The following SLC16A8 variants were observed in gnomAD, a reference collection of about 807,000 sequenced individuals.
The protein encoded by SLC16A8 is solute carrier family 16 member 8, also known as monocarboxylate transporter 3.
In SLC16A8, 20 loss-of-function variants were observed where a neutral mutation model predicts 22.4. That is an observed-to-expected ratio of 0.89 (90% CI 0.63 to 1.30). SLC16A8 has a LOEUF of 1.30. SLC16A8 is among the 50% of genes most tolerant of loss of function. The probability of loss-of-function intolerance (pLI) is 0.00; values close to 1 mark genes in which losing one functional copy is unlikely to be tolerated. For synonymous variants in SLC16A8, 393 were observed against 358.8 expected (o/e 1.10, Z -1.08); for missense variants, 817 against 740.3 (o/e 1.10, Z -1.20).
chr22:38,082,989 G>T, intron 2 of SLC16A8, 53 bp downstream of exon 2: 1 of 720,238 alleles, frequency 1.4e-6, no homozygotes. Context: ...CTACCCACGT[G>T]AGGGTGGCTC....
At chr22:38,082,951 C>G in intron 2 of SLC16A8, 70 bp from the exon 3 acceptor site, 3 of 1,018,494 alleles carry the variant, frequency 2.9e-6, no homozygotes, top group Non-Finnish European at 4.2e-6. Flanking sequence ...GGGATGGAGA[C>G]GAAGCATGGG....
rs780942753 is a variant in SLC16A8, at chr22:38,081,086, G to A, written c.952C>T (p.His318Tyr). 5.8e-6 allele frequency: 9 copies of A among 1,564,796 alleles called. No homozygotes were observed. Among genetic ancestry groups the A allele is most frequent in the Non-Finnish European group, 7.8e-6 (9 of 1,158,666 alleles). ...GCCAGGCTGAACAGATACGGGACGT[G>A]CGGCCGCAGACGCGCCAGGCCCGCC... Reference protein sequence around the residue: ...ALAGLARLRPHVPYLFSLALL... With the variant: ...ALAGLARLRPYVPYLFSLALL... The change falls in exon 5 of 6, where the codon CAC becomes TAC. Residue 318 changes from histidine to tyrosine, a missense_variant. By Grantham distance (83) the His-to-Tyr change is moderately conservative. Coordinates refer to ENST00000681075, the MANE Select transcript of SLC16A8 (RefSeq NM_013356.3).
At chr22:38,078,757 C>T in intron 5 of SLC16A8, 53 bp from the exon 6 acceptor site, 3 of 1,517,780 alleles carry the variant, frequency 2.0e-6, no homozygotes, top group Non-Finnish European at 2.7e-6. Context: ...GGGTCCTCCC[C>T]TCACTCTCCT....
rs758223086 is a variant in SLC16A8, at chr22:38,080,978, CGAAGGCGACGCA to C, written c.1048_1059del (p.Cys350_Phe353del). The C allele has an allele frequency of 3.3e-4, 520 of 1,597,766 alleles. 1 individual carries two copies. The highest frequency in any genetic ancestry group is 1.7e-3 in the Middle Eastern group (10 of 6,044). On this transcript the variant is annotated inframe_deletion, in exon 5 of 6. Coordinates refer to ENST00000681075, the MANE Select transcript of SLC16A8 (RefSeq NM_013356.3). Reference sequence around the variant, plus strand: ...GCGCCCACCATGCCGTAGGAGAGGCCGAAGGCGACGCAGAAGGCGACGAGGGCGCCGTAGGAG... The same window carrying C: ...GCGCCCACCATGCCGTAGGAGAGGCCGAAGGCGACGAGGGCGCCGTAGGAG...
At chr22:38,079,459 T>G (rs1430717477) in intron 5 of SLC16A8, among the ~76,000 whole-genome samples, 1 of 152,156 alleles carries the variant, frequency 6.6e-6, no homozygotes, top group East Asian at 1.9e-4. Context: ...CTCACTCCAT[T>G]GGCCCAGGCT....
chr22:38,083,065 G>C lies in SLC16A8; in HGVS notation c.-32C>G. On this transcript the variant is annotated 5_prime_UTR_variant, in exon 2 of 6. Coordinates refer to ENST00000681075, the MANE Select transcript of SLC16A8 (RefSeq NM_013356.3). ...ACCCCAAGTCTCCTTCTCCTGCAAAGGGCGCTGAAGGACGAGGGGAGGACG... is the reference window on the plus strand; with the variant it reads ...ACCCCAAGTCTCCTTCTCCTGCAAACGGCGCTGAAGGACGAGGGGAGGACG... 2 of 588,678 alleles carry C rather than the reference G, an allele frequency of 3.4e-6. No individual in the cohort carries two copies. Among genetic ancestry groups the C allele is most frequent in the East Asian group, 2.8e-5 (1 of 35,818 alleles). 36.5% of individuals were successfully genotyped at this position (588,678 alleles called of 1,614,324 possible). A position where few individuals can be genotyped will look rare whatever the true frequency, so the allele number is the denominator to read the frequency against.
chr22:38,081,782 A>T lies in SLC16A8; in HGVS notation c.359-103T>A, dbSNP rs537522041. 8 of 1,462,262 alleles carry T rather than the reference A, an allele frequency of 5.5e-6. No homozygotes were observed. In the African/African-American group the frequency reaches 5.7e-5, roughly 10 times the overall value. 90.6% of individuals were successfully genotyped at this position (1,462,262 alleles called of 1,614,324 possible). A position where few individuals can be genotyped will look rare whatever the true frequency, so the allele number is the denominator to read the frequency against. On this transcript the variant is annotated intron_variant, in intron 4 of 5. Coordinates refer to ENST00000681075, the MANE Select transcript of SLC16A8 (RefSeq NM_013356.3). ...GGGAACCCAGCAGATCCGGGAACCC[A>T]GCCGAGGGACTTCGAAGACTGTCCC...
intron 5 of SLC16A8, 115 bp downstream of exon 5, chr22:38,080,725 C>T (rs1187030627): frequency 2.9e-6 from 4 of 1,363,208 alleles, no homozygotes; most frequent in African/African-American, 3.0e-5. Context: ...GGGAGTCCAC[C>T]CACCCGACTG....
At chr22:38,080,740 T>C in intron 5 of SLC16A8, 100 bp downstream of exon 5, 1 of 1,412,304 alleles carries the variant, frequency 7.1e-7, no homozygotes, top group Non-Finnish European at 9.2e-7. Context: ...CGACTGCCCC[T>C]TCCCCTCATC....
chr22:38,082,704 G>A lies in SLC16A8; in HGVS notation c.170C>T (p.Thr57Met). Residue 57 changes from threonine to methionine, a missense_variant, in exon 3 of 6, where the codon ACG (threonine) becomes ATG (methionine). Physicochemically the swap from Thr to Met is moderately conservative, Grantham distance 81 (BLOSUM62 -1). Coordinates refer to ENST00000681075, the MANE Select transcript of SLC16A8 (RefSeq NM_013356.3). The part of the protein sequence containing the change: ...MRDFDAGYSD[T>M]AWVSSIMLAM... The stretch of plus-strand genomic sequence containing the variant: ...TAGCATGATGGAGGACACCCAGGCC[G>A]TGTCGCTGTAGCCGGCGTCGAAGTC... 6.3e-7 allele frequency: 1 copy of A among 1,590,396 alleles called. No homozygotes were observed. Among genetic ancestry groups the A allele is most frequent in the Non-Finnish European group, 8.5e-7 (1 of 1,170,256 alleles).
Position 38,079,040 on chromosome 22 carries a change from G to T in SLC16A8, c.1199-336C>A, listed in dbSNP as rs879432165. 2.6e-5 allele frequency among the ~76,000 whole-genome samples: 4 copies of T among 152,290 alleles called. No individual in the cohort carries two copies. The East Asian group carries it at 7.7e-4, about 29-fold the overall frequency. On this transcript the variant is annotated intron_variant, in intron 5 of 5. Coordinates refer to ENST00000681075, the MANE Select transcript of SLC16A8 (RefSeq NM_013356.3). ...TATCTGGGGTGGGAGCGGGGAGGGGGCCCTGGGCTTAGCTCTGCCCTCCTG... is the reference window on the plus strand; with the variant it reads ...TATCTGGGGTGGGAGCGGGGAGGGGTCCCTGGGCTTAGCTCTGCCCTCCTG...
chr22:38,082,862 G>A lies in SLC16A8; in HGVS notation c.12C>T (p.Gly4=), dbSNP rs913752636. The A allele has an allele frequency of 3.9e-6, 6 of 1,543,664 alleles. No homozygotes were observed. Among genetic ancestry groups the A allele is most frequent in the Non-Finnish European group, 3.5e-6 (4 of 1,148,700 alleles). Residue 4 remains glycine (G), a synonymous_variant, in exon 3 of 6, where the codon GGC becomes GGT. Coordinates refer to ENST00000681075, the MANE Select transcript of SLC16A8 (RefSeq NM_013356.3). ...GGGGGCCCTCGCCCCGCCGGGGGCC[G>A]CCAGCGCCCATCGCTGCCTCTGTTG... MGA[G]GPRRGEGPPD... is the part of the protein sequence containing the mutation.
At position 38,081,529 on chromosome 22, in the gene SLC16A8, C is replaced by G; in HGVS notation, c.509G>C (p.Arg170Pro). The G allele has an allele frequency of 6.9e-7, 1 of 1,439,990 alleles. No individual in the cohort carries two copies. Among genetic ancestry groups the G allele is most frequent in the Non-Finnish European group, 9.0e-7 (1 of 1,109,512 alleles). 89.2% of individuals were successfully genotyped at this position (1,439,990 alleles called of 1,614,324 possible). Residue 170 changes from arginine (R) to proline (P), a missense_variant, in exon 5 of 6, where the codon CGC becomes CCC. Coordinates refer to ENST00000681075, the MANE Select transcript of SLC16A8 (RefSeq NM_013356.3). ...CAGGAAGCCGCCGCGCCAGCCGAAG[C>G]GCTCCAGCAGCTGCTGGCCGAGCGG... ...LSPLGQQLLE[R>P]FGWRGGFLLL...
Position 38,082,724 on chromosome 22 carries a change from G to C in SLC16A8, c.150C>G (p.Phe50Leu). ...SVFFRALMRD[F>L]DAGYSDTAWV... Reference sequence around the variant, plus strand: ...AGGCCGTGTCGCTGTAGCCGGCGTCGAAGTCGCGCATGAGCGCGCGGAAGA... The same window carrying C: ...AGGCCGTGTCGCTGTAGCCGGCGTCCAAGTCGCGCATGAGCGCGCGGAAGA... Residue 50 changes from phenylalanine to leucine, a missense_variant, in exon 3 of 6, where the codon TTC becomes TTG. By Grantham distance (22) the Phe-to-Leu change is conservative (BLOSUM62 0). Transcript: ENST00000681075. The C allele has an allele frequency of 1.9e-6, 3 of 1,592,416 alleles. No homozygotes were observed. The highest frequency in any genetic ancestry group is 2.3e-5 in the East Asian group (1 of 44,074).
chr22:38,078,534 C>A lies in SLC16A8; in HGVS notation c.1369G>T (p.Ala457Ser). 3 of 1,614,200 alleles carry A rather than the reference C, an allele frequency of 1.9e-6. No homozygotes were observed. Among genetic ancestry groups the A allele is most frequent in the Non-Finnish European group, 2.5e-6 (3 of 1,180,048 alleles). ...GGCTCAGAGTCCCCTTCAGCCTCAG[C>A]GTCCTCAGTGTCACTGGCTCCGCCC... is the stretch of plus-strand genomic sequence containing the variant. ...TEGGASDTED[A>S]EAEGDSEPLP... Residue 457 changes from alanine (A) to serine (S), a missense_variant, in exon 6 of 6, where the codon GCT becomes TCT. Physicochemically the swap from Ala to Ser is moderately conservative, Grantham distance 99. Transcript: ENST00000681075.
chr22:38,081,393 G>A lies in SLC16A8; in HGVS notation c.645C>T (p.Asp215=). ...RRDSAGDRAG[D]APGEAEADGA... is the part of the protein sequence containing the mutation. ...CGTCAGCCTCCGCCTCGCCCGGAGC[G>A]TCCCCGGCGCGGTCGCCGGCGCTGT... The change falls in exon 5 of 6, where the codon GAC becomes GAT. Residue 215 remains aspartate, a synonymous_variant. Transcript: ENST00000681075. 1.5e-6 allele frequency: 2 copies of A among 1,373,718 alleles called. No homozygotes were observed. Among genetic ancestry groups the A allele is most frequent in the Non-Finnish European group, 1.9e-6 (2 of 1,068,614 alleles). 85.1% of individuals were successfully genotyped at this position (1,373,718 alleles called of 1,614,324 possible).
Position 38,082,894 on chromosome 22 carries a change from G to A in SLC16A8, c.-8-13C>T. On this transcript the variant is annotated splice_polypyrimidine_tract_variant and intron_variant, in intron 2 of 5. Transcript: ENST00000681075. ...CCCATCGCTGCCTCTGTTGGGAGGG[G>A]GCGGGGACAAGAGGGAGGGGCTGGG... 1 of 1,439,624 alleles carries A rather than the reference G, an allele frequency of 6.9e-7. No homozygotes were observed. The highest frequency in any genetic ancestry group is 1.4e-5 in the African/African-American group (1 of 71,114). 89.2% of individuals were successfully genotyped at this position (1,439,624 alleles called of 1,614,324 possible). A position where few individuals can be genotyped will look rare whatever the true frequency, so the allele number is the denominator to read the frequency against.
intron 1 of SLC16A8, 50 bp downstream of exon 1, chr22:38,083,938 G>A (rs1429713459): frequency 6.6e-6 from 1 of 152,268 alleles, no homozygotes; most frequent in Non-Finnish European, 1.5e-5. Context: ...GCAGCCACTT[G>A]AAGGTGGAGA....
chr22:38,080,198 TC>T (rs66715445), intron 5 of SLC16A8, among the ~76,000 whole-genome samples: 5,921 of 151,850 alleles, frequency 0.039, 170 homozygotes, highest in Non-Finnish European at 0.053. Flanking sequence ...AGGACGCTGT[TC>T]CCCCCCAACA....
Sources: gnomAD v4.1 joint callset for allele counts (sites outside exome capture counted in the v4.1 genomes callset) on GRCh38, gnomAD v4.1.1 for gene constraint, MANE v1.5 for transcripts, NCBI Gene and HGNC (gene_info 2026-07-23, HGNC 2026-07-21) for gene names.